The following TTC7B variants were observed in gnomAD, a reference collection of about 807,000 sequenced individuals.
TTC7B encodes the protein tetratricopeptide repeat domain 7B.
In TTC7B, 28 loss-of-function variants were observed where a neutral mutation model predicts 106.8. That is an observed-to-expected ratio of 0.26 (90% confidence interval 0.19 to 0.36). TTC7B has a LOEUF of 0.36. TTC7B is among the 10% of genes least tolerant of loss of function. The pLI is 1.00. For missense variants in TTC7B, 862 were observed against 1,076.4 expected (o/e 0.80, Z 2.79); for synonymous variants, 405 against 430.6 (o/e 0.94, Z 0.74).
At chr14:90,594,289 G>T (rs1892111307) in intron 17 of TTC7B, among the ~76,000 whole-genome samples, 1 of 152,180 alleles carries the variant, frequency 6.6e-6, no homozygotes, top group African/African-American at 2.4e-5. Context: ...TTCAGAATAT[G>T]CACCTGCCTA....
At chr14:90,792,991 C>T (rs1891637520) in intron 1 of TTC7B, among the ~76,000 whole-genome samples, 1 of 152,108 alleles carries the variant, frequency 6.6e-6, no homozygotes, top group Non-Finnish European at 1.5e-5. Flanking sequence ...TAATCCCCAC[C>T]TGTCAAAGGA....
chr14:90,546,965 T>A (rs567182055), intron 19 of TTC7B, among the ~76,000 whole-genome samples: 1 of 152,358 alleles, frequency 6.6e-6, no homozygotes, highest in East Asian at 1.9e-4. Context: ...AGCTGAGGCC[T>A]GCAGCTGTGC....
chr14:90,674,034 G>A (rs1466717332), intron 9 of TTC7B, among the ~76,000 whole-genome samples: 2 of 152,010 alleles, frequency 1.3e-5, no homozygotes, highest in Non-Finnish European at 1.5e-5. Context: ...TGGTATGAAC[G>A]TACTAAATGC....
At chr14:90,632,917 A>G (rs770335040) in intron 15 of TTC7B, among the ~76,000 whole-genome samples, 3 of 152,244 alleles carry the variant, frequency 2.0e-5, no homozygotes, top group Non-Finnish European at 2.9e-5. Context: ...GTGGTTACTA[A>G]TGCTGAAAGA....
At chr14:90,632,843 G>T (rs1255236144) in intron 15 of TTC7B, among the ~76,000 whole-genome samples, 1 of 152,150 alleles carries the variant, frequency 6.6e-6, no homozygotes, top group East Asian at 1.9e-4. Flanking sequence ...TTCTTGCAAG[G>T]ATTAGTTAAA....
In TTC7B at chr14:90,584,828, G is replaced by A. The variant is rs551797359; in HGVS notation, c.2108-6520C>T. 4.2e-3 allele frequency among the ~76,000 whole-genome samples: 640 copies of A among 152,094 alleles called. 3 individuals carry two copies. The highest frequency in any genetic ancestry group is 7.0e-3 in the Non-Finnish European group (473 of 67,974). ...GAGGGCAGAGGGGTCCCACCTGATCGCAGGGTGTCTGCTAGCACAGAGGGT... is the reference window on the plus strand; with the variant it reads ...GAGGGCAGAGGGGTCCCACCTGATCACAGGGTGTCTGCTAGCACAGAGGGT... On this transcript the variant is annotated intron_variant, in intron 18 of 19. Transcript: ENST00000328459.
intron 3 of TTC7B, among the ~76,000 whole-genome samples, chr14:90,756,820 A>ACT (rs1890317070): frequency 6.9e-6 from 1 of 145,604 alleles, no homozygotes; most frequent in African/African-American, 2.6e-5. Flanking sequence ...CTTCCTCTGG[A>ACT]CTCTCTAAGT....
chr14:90,747,861 C>A (rs1380002747), intron 3 of TTC7B, among the ~76,000 whole-genome samples: 1 of 152,208 alleles, frequency 6.6e-6, no homozygotes, highest in African/African-American at 2.4e-5. Context: ...GGATTGACAT[C>A]ATTGCTCTAA....
rs1001866101 is a variant in TTC7B, at chr14:90,624,401, G to A, written c.1752-6356C>T. Reference sequence around the variant, plus strand: ...AGTGTTCACCTCAGGAAATGAGTCAGAGCGGCACTTGTCAGGGCCATGCTC... The same window carrying A: ...AGTGTTCACCTCAGGAAATGAGTCAAAGCGGCACTTGTCAGGGCCATGCTC... On this transcript the variant is annotated intron_variant, in intron 15 of 19. Transcript: ENST00000328459. This position sits in a 1 kb window ranked among gnomAD's most constrained non-coding sequence, Gnocchi z 4.0. Among the ~76,000 whole-genome samples, 1 of 152,194 alleles carries A rather than the reference G, an allele frequency of 6.6e-6. No homozygotes were observed. Among genetic ancestry groups the A allele is most frequent in the Non-Finnish European group, 1.5e-5 (1 of 68,044 alleles).
intron 4 of TTC7B, among the ~76,000 whole-genome samples, chr14:90,734,084 T>C (rs1889426815): frequency 6.6e-6 from 1 of 152,138 alleles, no homozygotes; most frequent in Non-Finnish European, 1.5e-5. Context: ...TTATAAATTA[T>C]GGCAATAAGG....
Position 90,689,575 on chromosome 14 carries a change from A to T in TTC7B, c.915T>A (p.Thr305=). 1.2e-6 allele frequency: 2 copies of T among 1,614,042 alleles called. No individual in the cohort carries two copies. Among genetic ancestry groups the T allele is most frequent in the Non-Finnish European group, 8.5e-7 (1 of 1,179,988 alleles). Residue 305 remains threonine (T), a synonymous_variant, in exon 7 of 20, where the codon ACT becomes ACA. Coordinates refer to ENST00000328459, the MANE Select transcript of TTC7B (RefSeq NM_001010854.2). Reference sequence around the variant, plus strand: ...AGTAGACACGGGCTCTCCGAGTGAGAGTGTAGGTTTTTGTGTTTGCTCCTT... The same window carrying T: ...AGTAGACACGGGCTCTCCGAGTGAGTGTGTAGGTTTTTGTGTTTGCTCCTT... The part of the protein sequence containing the change: ...LRKGANTKTY[T]LTRRARVYSG...
At chr14:90,749,533 G>C (rs886312603) in intron 3 of TTC7B, among the ~76,000 whole-genome samples, 2 of 150,976 alleles carry the variant, frequency 1.3e-5, no homozygotes, top group African/African-American at 4.9e-5. Context: ...AGCCTCCCGA[G>C]TAGCTGGGAT....
intron 6 of TTC7B, among the ~76,000 whole-genome samples, chr14:90,690,004 T>C (rs1417381974): frequency 6.6e-6 from 1 of 152,220 alleles, no homozygotes; most frequent in Non-Finnish European, 1.5e-5. Flanking sequence ...CAACTGAAAC[T>C]TTTGGCTAAG....
chr14:90,544,948 C>A (rs1643788952), intron 19 of TTC7B, among the ~76,000 whole-genome samples: 1 of 152,234 alleles, frequency 6.6e-6, no homozygotes, highest in African/African-American at 2.4e-5. Flanking sequence ...TCCCACTAGG[C>A]TCTGCCACCG....
At chr14:90,567,364 CG>C (rs995817911) in intron 19 of TTC7B, 9 of 152,234 alleles carry the variant, frequency 5.9e-5, no homozygotes, top group Admixed American at 2.0e-4. Flanking sequence ...CACATCTAGG[CG>C]GGTAAGGGGC....
intron 4 of TTC7B, among the ~76,000 whole-genome samples, chr14:90,731,834 AAGACTTT>A (rs1889342124): frequency 6.6e-6 from 1 of 152,220 alleles, no homozygotes; most frequent in Non-Finnish European, 1.5e-5. Flanking sequence ...AGCTGTAGTC[AAGACTTT>A]CTCTGTGAAT....
At chr14:90,661,637 A>G (rs938076369) in intron 9 of TTC7B, among the ~76,000 whole-genome samples, 2 of 152,236 alleles carry the variant, frequency 1.3e-5, no homozygotes, top group Non-Finnish European at 2.9e-5. Flanking sequence ...ATAATCAAAA[A>G]TAAGGATTAT....
intron 19 of TTC7B, among the ~76,000 whole-genome samples, chr14:90,547,894 C>T (rs1889905331): frequency 6.6e-6 from 1 of 152,172 alleles, no homozygotes; most frequent in East Asian, 1.9e-4. Context: ...CACTGCTTGT[C>T]CCTCTAACGG....
chr14:90,683,670 G>T (rs1035128429), intron 7 of TTC7B, among the ~76,000 whole-genome samples: 1 of 152,088 alleles, frequency 6.6e-6, no homozygotes, highest in African/African-American at 2.4e-5. Context: ...ACGCAGCCCA[G>T]TGCAGGTCCA....
Sources: allele counts gnomAD v4.1 joint callset (sites outside exome capture counted in the v4.1 genomes callset), GRCh38; gene constraint gnomAD v4.1.1; non-coding constraint Gnocchi (gnomAD v3.1); transcripts MANE v1.5; gene names NCBI Gene and HGNC (gene_info 2026-07-23, HGNC 2026-07-21).